Variants in GPD2 observed in about 807,000 individuals in gnomAD.
GPD2 encodes the protein glycerol-3-phosphate dehydrogenase, mitochondrial.
A neutral mutation model predicts 82.4 loss-of-function variants in GPD2; 54 were observed. The observed-to-expected ratio is 0.66, with a 90% CI of 0.53 to 0.82. GPD2 has a LOEUF of 0.82. GPD2 is among the 40% of genes least tolerant of loss of function. The pLI, the probability that GPD2 is intolerant of heterozygous loss-of-function variation, is 0.00. For missense variants in GPD2, 748 were observed against 896.2 expected (o/e 0.83, Z 2.11); for synonymous variants, 288 against 306.1 (o/e 0.94, Z 0.62).
intron 6 of GPD2, among the ~76,000 whole-genome samples, chr2:156,531,566 G>T (rs958638952): frequency 1.3e-5 from 2 of 152,198 alleles, no homozygotes; most frequent in Admixed American, 6.5e-5. Flanking sequence ...CTTATCTTAA[G>T]AGCCAGGCTG....
intron 8 of GPD2, among the ~76,000 whole-genome samples, chr2:156,553,036 C>G (rs953413611): frequency 2.0e-5 from 3 of 151,422 alleles, no homozygotes; most frequent in Non-Finnish European, 4.4e-5. Context: ...AGTAGCTCGC[C>G]CGCCACCACA....
Position 156,550,611 on chromosome 2 carries a change from T to C in GPD2, c.836T>C (p.Phe279Ser). Residue 279 changes from phenylalanine (F) to serine (S), a missense_variant, in exon 8 of 17, where the codon TTT (phenylalanine) becomes TCT (serine). Phe to Ser is a radical substitution (Grantham distance 155). Coordinates refer to ENST00000438166, the MANE Select transcript of GPD2 (RefSeq NM_000408.5). Reference protein sequence around the residue: ...RCKDVLTGQEFDVRAKCVINA... With the variant: ...RCKDVLTGQESDVRAKCVINA... ...CCACTTTCTTTCACAGGGCAGGAATTTGACGTGAGAGCCAAATGTGTTATC... is the reference window on the plus strand; with the variant it reads ...CCACTTTCTTTCACAGGGCAGGAATCTGACGTGAGAGCCAAATGTGTTATC... 1 of 1,614,074 alleles carries C rather than the reference T, an allele frequency of 6.2e-7. No individual in the cohort carries two copies. Among genetic ancestry groups the C allele is most frequent in the South Asian group, 1.1e-5 (1 of 91,086 alleles).
At chr2:156,463,949 A>G (rs1202441493) in intron 1 of GPD2, among the ~76,000 whole-genome samples, 1 of 152,314 alleles carries the variant, frequency 6.6e-6, no homozygotes, top group African/African-American at 2.4e-5. Context: ...AATGCTTTTC[A>G]TGAGGGTTTG....
the GPD2 span, among the ~76,000 whole-genome samples, chr2:156,425,589 A>G: frequency 5.3e-5 from 8 of 152,216 alleles, no homozygotes; most frequent in Admixed American, 1.3e-4. Flanking sequence ...GGCAAAAATC[A>G]TCTAGAAGTG....
chr2:156,549,277 T>C (rs903816202), intron 6 of GPD2, among the ~76,000 whole-genome samples: 2 of 152,236 alleles, frequency 1.3e-5, no homozygotes, highest in African/African-American at 2.4e-5. Context: ...GATTTGTCTG[T>C]ATTAGGAAAA....
At chr2:156,544,421 G>A (rs941464453) in intron 6 of GPD2, among the ~76,000 whole-genome samples, 2 of 152,144 alleles carry the variant, frequency 1.3e-5, no homozygotes, top group Non-Finnish European at 1.5e-5. Flanking sequence ...GTTAGAGTGG[G>A]GCACTGTGAG....
chr2:156,427,456 A>T, the GPD2 span, among the ~76,000 whole-genome samples: 1 of 152,210 alleles, frequency 6.6e-6, no homozygotes, highest in Admixed American at 6.5e-5. Flanking sequence ...ATTAGTTAGG[A>T]ATCTCAAAAA....
chr2:156,439,096 A>G (rs1004347913), intron 1 of GPD2, among the ~76,000 whole-genome samples: 1 of 152,250 alleles, frequency 6.6e-6, no homozygotes, highest in African/African-American at 2.4e-5. Context: ...ATTGTATGAA[A>G]AAGCCAACAT....
chr2:156,476,256 A>G (rs1310841446), intron 2 of GPD2, 49 bp downstream of exon 2: 3 of 986,604 alleles, frequency 3.0e-6, no homozygotes, highest in Non-Finnish European at 4.9e-6. Flanking sequence ...TAAATCTGCT[A>G]AAGAGCTGTC....
At chr2:156,403,975 C>T in the GPD2 span, among the ~76,000 whole-genome samples, 2 of 152,118 alleles carry the variant, frequency 1.3e-5, no homozygotes, top group Admixed American at 6.6e-5. Context: ...AAGAGACAAA[C>T]ATATTCCTAA....
chr2:156,404,994 A>G, the GPD2 span, among the ~76,000 whole-genome samples: 1 of 152,228 alleles, frequency 6.6e-6, no homozygotes, highest in East Asian at 1.9e-4. Flanking sequence ...GTTGCAAAGA[A>G]GGTTCGGAGC....
chr2:156,491,137 A>G (rs1684160815), intron 2 of GPD2, among the ~76,000 whole-genome samples: 1 of 152,154 alleles, frequency 6.6e-6, no homozygotes, highest in South Asian at 2.1e-4. Context: ...GCAACCACTG[A>G]TCTGTTTTCA....
chr2:156,505,643 C>G (rs748244059), intron 3 of GPD2, among the ~76,000 whole-genome samples: 16 of 152,168 alleles, frequency 1.1e-4, no homozygotes, highest in Non-Finnish European at 2.4e-4. Flanking sequence ...GGAGGTCACT[C>G]TTTCTACTTT....
intron 1 of GPD2, among the ~76,000 whole-genome samples, chr2:156,447,926 A>G (rs1682424727): frequency 6.6e-6 from 1 of 152,126 alleles, no homozygotes; most frequent in Admixed American, 6.5e-5. Context: ...TCTTGGGCAG[A>G]CTTATTCGCT....
At chr2:156,565,090 T>G (rs989922139) in intron 9 of GPD2, among the ~76,000 whole-genome samples, 36 of 152,134 alleles carry the variant, frequency 2.4e-4, no homozygotes, top group Non-Finnish European at 3.5e-4. Context: ...GTAAGGCATT[T>G]GCCACAGATT....
At chr2:156,542,537 CTT>C (rs1686360468) in intron 6 of GPD2, among the ~76,000 whole-genome samples, 1 of 152,090 alleles carries the variant, frequency 6.6e-6, no homozygotes, top group African/African-American at 2.4e-5. Context: ...GATTTTTAAA[CTT>C]AGCCCCTGAT....
At position 156,549,654 on chromosome 2, in the gene GPD2, T is replaced by C; in HGVS notation, c.708T>C (p.Ala236=). ...TGAACCTTGCCATTGCTCTGACTGCTGCCAGGTATGGGGCTGCCACAGCCA... is the reference window on the plus strand; with the variant it reads ...TGAACCTTGCCATTGCTCTGACTGCCGCCAGGTATGGGGCTGCCACAGCCA... ...ARMNLAIALT[A]ARYGAATANY... The change falls in exon 7 of 17, where the codon GCT becomes GCC. Residue 236 remains alanine, a synonymous_variant. Coordinates refer to ENST00000438166, the MANE Select transcript of GPD2 (RefSeq NM_000408.5). The C allele has an allele frequency of 6.2e-7, 1 of 1,613,748 alleles. No individual in the cohort carries two copies. Among genetic ancestry groups the C allele is most frequent in the South Asian group, 1.1e-5 (1 of 91,076 alleles).
the GPD2 span, among the ~76,000 whole-genome samples, chr2:156,421,663 C>A: frequency 6.6e-6 from 1 of 152,058 alleles, no homozygotes; most frequent in Admixed American, 6.6e-5. Context: ...ATCTACTAAC[C>A]CAAAATATGT....
intron 16 of GPD2, among the ~76,000 whole-genome samples, chr2:156,581,736 A>G (rs1461330256): frequency 6.6e-6 from 1 of 152,030 alleles, no homozygotes; most frequent in Non-Finnish European, 1.5e-5. Context: ...TTTTAATGAC[A>G]CTTTTGCATG....
Sources: gnomAD v4.1 joint callset for allele counts (sites outside exome capture counted in the v4.1 genomes callset) on GRCh38, gnomAD v4.1.1 for gene constraint, MANE v1.5 for transcripts, NCBI Gene and HGNC (gene_info 2026-07-23, HGNC 2026-07-21) for gene names.